The following CFH variants were observed in gnomAD, a reference collection of about 807,000 sequenced individuals.
CFH encodes the protein H factor 1 (complement).
CFH carries 53 observed loss-of-function variants against 147.3 expected under a neutral mutation model. The observed-to-expected ratio is 0.36, with a 90% CI of 0.29 to 0.45. CFH has a LOEUF of 0.45. Ranked by LOEUF, CFH falls within the 20% of genes least tolerant of loss-of-function variation. The pLI is 1.00. For synonymous variants in CFH, 536 were observed against 489.4 expected, an observed-to-expected ratio of 1.10 and a Z score of -1.26; for missense variants, 1,380 against 1,498.0, an observed-to-expected ratio of 0.92 and a Z score of 1.30.
chr1:196,706,930 A>G (rs916627884), intron 9 of CFH, among the ~76,000 whole-genome samples: 2 of 152,154 alleles, frequency 1.3e-5, no homozygotes, highest in Admixed American at 6.6e-5. Flanking sequence ...CATTTTCAAG[A>G]TAAACAAAAT....
chr1:196,653,553 G>A (rs1370074952), intron 1 of CFH, among the ~76,000 whole-genome samples: 1 of 151,820 alleles, frequency 6.6e-6, no homozygotes, highest in African/African-American at 2.4e-5. Context: ...GTCATATAAG[G>A]GAGATTTGTT....
At chr1:196,663,355 A>G (rs1329167466) in intron 1 of CFH, among the ~76,000 whole-genome samples, 3 of 152,108 alleles carry the variant, frequency 2.0e-5, no homozygotes, top group African/African-American at 7.2e-5. Flanking sequence ...GTTATCTGCT[A>G]TTAAGCTGTC....
chr1:196,660,500 T>C lies in CFH; in HGVS notation c.58+8325T>C, dbSNP rs147507866. 4.2e-3 allele frequency among the ~76,000 whole-genome samples: 638 copies of C among 152,008 alleles called. 2 individuals carry two copies. Among genetic ancestry groups the C allele is most frequent in the African/African-American group, 0.015 (618 of 41,456 alleles). On this transcript the variant is annotated intron_variant, in intron 1 of 21. Coordinates refer to ENST00000367429, the MANE Select transcript of CFH (RefSeq NM_000186.4). ...TGAATAGACTGAAGTAACAGGAGAG[T>C]AGAGGACTGGAGGCTAGTTAGCAGG...
intron 16 of CFH, among the ~76,000 whole-genome samples, chr1:196,737,236 G>A (rs1370107407): frequency 6.6e-6 from 1 of 152,070 alleles, no homozygotes; most frequent in African/African-American, 2.4e-5. Flanking sequence ...TTCCATTCAT[G>A]CATATTTTAA....
intron 20 of CFH, among the ~76,000 whole-genome samples, chr1:196,745,387 G>C (rs1652965069): frequency 6.6e-6 from 1 of 151,994 alleles, no homozygotes. Context: ...GTATGTTCAA[G>C]TTCATGGATT....
intron 15 of CFH, among the ~76,000 whole-genome samples, chr1:196,733,996 C>T (rs1669341034): frequency 6.6e-6 from 1 of 152,074 alleles, no homozygotes; most frequent in African/African-American, 2.4e-5. Context: ...TTGTATCATA[C>T]CACCATTTTT....
intron 9 of CFH, among the ~76,000 whole-genome samples, chr1:196,693,677 A>G (rs927503847): frequency 6.6e-6 from 1 of 152,050 alleles, no homozygotes; most frequent in Non-Finnish European, 1.5e-5. Flanking sequence ...TAAACTGTGG[A>G]TGCACTAGAC....
At chr1:196,655,055 T>A (rs1666639245) in intron 1 of CFH, among the ~76,000 whole-genome samples, 1 of 152,194 alleles carries the variant, frequency 6.6e-6, no homozygotes, top group Non-Finnish European at 1.5e-5. Flanking sequence ...TTACTATAAT[T>A]TCAACCAATC....
At chr1:196,715,046 G>A (rs1186881951) in intron 10 of CFH, among the ~76,000 whole-genome samples, 2 of 151,752 alleles carry the variant, frequency 1.3e-5, no homozygotes, top group East Asian at 3.9e-4. Context: ...TAATGTCTGT[G>A]CTTAATATGA....
intron 11 of CFH, among the ~76,000 whole-genome samples, chr1:196,722,654 G>A (rs1182288048): frequency 6.6e-6 from 1 of 152,136 alleles, no homozygotes; most frequent in Non-Finnish European, 1.5e-5. Flanking sequence ...GGCAAGAGGA[G>A]ATAAATTTTC....
chr1:196,721,901 G>A lies in CFH; in HGVS notation c.1697-3220G>A, dbSNP rs540479819. ...TTTGTTTCTGTTGTTCAAAATATCT[G>A]TCTCCATACCTTTACCATGAGTTTG... On this transcript the variant is annotated intron_variant, in intron 11 of 21. Coordinates refer to ENST00000367429, the MANE Select transcript of CFH (RefSeq NM_000186.4). Among the ~76,000 whole-genome samples the A allele has an allele frequency of 1.2e-3, 181 of 150,948 alleles. 1 individual carries two copies. Among genetic ancestry groups the A allele is most frequent in the Non-Finnish European group, 2.3e-3 (154 of 67,752 alleles).
chr1:196,677,176 C>A, intron 4 of CFH: 1 of 274,878 alleles, frequency 3.6e-6, no homozygotes. Context: ...ATTTAATTAT[C>A]TCAAGCTTTA....
chr1:196,733,314 T>C (rs1669323400), intron 15 of CFH, among the ~76,000 whole-genome samples: 1 of 152,096 alleles, frequency 6.6e-6, no homozygotes, highest in Non-Finnish European at 1.5e-5. Context: ...TTGAACTTTC[T>C]CTTTCCTTTT....
intron 9 of CFH, among the ~76,000 whole-genome samples, chr1:196,710,000 T>C (rs1433555142): frequency 6.6e-6 from 1 of 150,584 alleles, no homozygotes; most frequent in Non-Finnish European, 1.5e-5. Context: ...CAGAGCAAGA[T>C]CATCTTGCTC....
At chr1:196,671,760 G>GAT (rs4044888) in intron 1 of CFH, among the ~76,000 whole-genome samples, 33,282 of 148,666 alleles carry the variant, frequency 0.22, 4,711 homozygotes, top group East Asian at 0.51. Context: ...GTGAGCATAT[G>GAT]ATATATATAT....
chr1:196,691,663 C>A (rs969415241), intron 9 of CFH, among the ~76,000 whole-genome samples: 1 of 151,722 alleles, frequency 6.6e-6, no homozygotes, highest in Admixed American at 6.6e-5. Flanking sequence ...AATATAAAAT[C>A]TCTTTTAATT....
intron 19 of CFH, 142 bp from the exon 20 acceptor site, chr1:196,743,310 A>T (rs1377070127): frequency 2.3e-6 from 3 of 1,302,978 alleles, no homozygotes; most frequent in Admixed American, 4.2e-5. Flanking sequence ...TATTACATTT[A>T]AATTTATTAA....
intron 11 of CFH, among the ~76,000 whole-genome samples, chr1:196,718,937 TC>T (rs2149105223): frequency 6.6e-6 from 1 of 152,224 alleles, no homozygotes; most frequent in Non-Finnish European, 1.5e-5. Flanking sequence ...TATTCTTCTC[TC>T]AGCCATGTAA....
chr1:196,669,387 G>A (rs879028946), intron 1 of CFH, among the ~76,000 whole-genome samples: 1 of 152,184 alleles, frequency 6.6e-6, no homozygotes, highest in Admixed American at 6.5e-5. Flanking sequence ...GGGAATGTTA[G>A]TGATCTTTAA....
Sources: gnomAD v4.1 joint callset for allele counts (sites outside exome capture counted in the v4.1 genomes callset) on GRCh38, gnomAD v4.1.1 for gene constraint, MANE v1.5 for transcripts, NCBI Gene and HGNC (gene_info 2026-07-23, HGNC 2026-07-21) for gene names.